KIAA1549L: variants seen among roughly 807,000 people sequenced by gnomAD.
KIAA1549L encodes KIAA1549 like, also known as UPF0606 protein KIAA1549L.
A neutral mutation model predicts 160.7 loss-of-function variants in KIAA1549L; 88 were observed. The observed-to-expected ratio is 0.55, with a 90% confidence interval of 0.46 to 0.65. KIAA1549L has a LOEUF of 0.65. Ranked by LOEUF, KIAA1549L falls within the 30% of genes least tolerant of loss-of-function variation. KIAA1549L has a pLI of 0.00. For synonymous variants in KIAA1549L, 950 were observed against 976.7 expected, an observed-to-expected ratio of 0.97 and a Z score of 0.51; for missense variants, 2,258 against 2,437.5, an observed-to-expected ratio of 0.93 and a Z score of 1.55.
chr11:33,586,891 A>G (rs775507605), intron 11 of KIAA1549L, among the ~76,000 whole-genome samples: 1 of 152,162 alleles, frequency 6.6e-6, no homozygotes. Context: ...AAAGTTATGT[A>G]CTGTGTTTAG....
chr11:33,502,247 A>G lies in KIAA1549L; in HGVS notation c.239-39555A>G, dbSNP rs112797067. ...TGGGTAGAGCTACATCGCATCACTC[A>G]TGAGAAGTCAGCTTTAATCGGGGAT... On this transcript the variant is annotated intron_variant, in intron 1 of 20. Transcript: ENST00000658780. Among the ~76,000 whole-genome samples, 45 of 152,324 alleles carry G rather than the reference A, an allele frequency of 3.0e-4. 1 individual carries two copies. The East Asian group carries it at 8.7e-3, about 29-fold the overall frequency.
intron 1 of KIAA1549L, among the ~76,000 whole-genome samples, chr11:33,511,346 A>G (rs1398159597): frequency 6.6e-6 from 1 of 152,212 alleles, no homozygotes; most frequent in African/African-American, 2.4e-5. Flanking sequence ...CTTCTCTGCA[A>G]TGGAAGTGTG....
At chr11:33,415,720 A>G (rs1535703) in intron 1 of KIAA1549L, among the ~76,000 whole-genome samples, 47,514 of 151,938 alleles carry the variant, frequency 0.31, 7,904 homozygotes, top group East Asian at 0.55. Flanking sequence ...TATATCCTTG[A>G]GCTTTTTTCC....
At position 33,542,474 on chromosome 11, in the gene KIAA1549L, A is replaced by C. The variant is rs528961135; in HGVS notation, c.911A>C (p.Gln304Pro). 2 of 1,612,878 alleles carry C rather than the reference A, an allele frequency of 1.2e-6. No individual in the cohort carries two copies. Among genetic ancestry groups the C allele is most frequent in the Admixed American group, 1.7e-5 (1 of 59,966 alleles). The change falls in exon 2 of 21, where the codon CAA (glutamine) becomes CCA (proline). Residue 304 changes from glutamine to proline, a missense_variant. Coordinates refer to ENST00000658780, the MANE Select transcript of KIAA1549L (RefSeq NM_012194.3). ...GATGAAATGGACCACACTGCATCCCAAAATGCCCAGGATCTCATAGGCATC... is the reference window on the plus strand; with the variant it reads ...GATGAAATGGACCACACTGCATCCCCAAATGCCCAGGATCTCATAGGCATC... ...FSDEMDHTAS[Q>P]NAQDLIGIPH...
intron 17 of KIAA1549L, among the ~76,000 whole-genome samples, chr11:33,654,959 GT>G (rs1852013899): frequency 1.3e-5 from 2 of 152,192 alleles, no homozygotes; most frequent in African/African-American, 2.4e-5. Context: ...CTGTGCTGCT[GT>G]TTTTTGTCCT....
chr11:33,377,098 T>G (rs962856900), intron 1 of KIAA1549L, among the ~76,000 whole-genome samples: 22 of 152,234 alleles, frequency 1.4e-4, no homozygotes, highest in African/African-American at 4.3e-4. Context: ...CTCTTCTTTT[T>G]GGACAAGTTG....
At chr11:33,562,124 G>A (rs573900113) in intron 8 of KIAA1549L, among the ~76,000 whole-genome samples, 38 of 152,312 alleles carry the variant, frequency 2.5e-4, no homozygotes, top group East Asian at 3.9e-4. Context: ...ATGCACTTGC[G>A]TCTCTCCTCT....
chr11:33,593,220 A>G (rs1850108403), intron 12 of KIAA1549L, among the ~76,000 whole-genome samples: 1 of 152,196 alleles, frequency 6.6e-6, no homozygotes, highest in African/African-American at 2.4e-5. Flanking sequence ...ACTTGAAGCC[A>G]GGAGCTTGAG....
At chr11:33,476,629 A>G (rs1227907192) in intron 1 of KIAA1549L, among the ~76,000 whole-genome samples, 3 of 152,136 alleles carry the variant, frequency 2.0e-5, no homozygotes, top group Non-Finnish European at 2.9e-5. Context: ...TTCAGCTGCT[A>G]TCCCTGGAAT....
intron 1 of KIAA1549L, among the ~76,000 whole-genome samples, chr11:33,510,272 A>G (rs1001771072): frequency 4.0e-5 from 6 of 150,018 alleles, no homozygotes; most frequent in African/African-American, 1.5e-4. Flanking sequence ...TGCAACCTCT[A>G]CCTCCCGGGT....
chr11:33,606,730 G>C lies in KIAA1549L; in HGVS notation c.4969G>C (p.Val1657Leu), dbSNP rs368198509. Reference protein sequence around the residue: ...AEPFDTSSGSVQLIAIKPTAL... With the variant: ...AEPFDTSSGSLQLIAIKPTAL... ...ACCCTTTGACACATCTTCTGGGTCT[G>C]TGCAGCTCATTGCCATAAAACCCAC... The change falls in exon 14 of 21, where the codon GTG becomes CTG. Residue 1657 changes from valine to leucine, a missense_variant. Around this residue, in one of 6 missense-constraint regions of KIAA1549L, gnomAD observed 1,359 missense variants for 1,546.6 expected, o/e 0.88. Transcript: ENST00000658780. The C allele has an allele frequency of 1.1e-5, 17 of 1,613,784 alleles. No individual in the cohort carries two copies. Among genetic ancestry groups the C allele is most frequent in the Non-Finnish European group, 1.4e-5 (16 of 1,179,864 alleles).
chr11:33,615,360 T>G (rs1307416416), intron 15 of KIAA1549L, among the ~76,000 whole-genome samples: 3 of 152,152 alleles, frequency 2.0e-5, no homozygotes, highest in Non-Finnish European at 2.9e-5. Context: ...CAAGTAAAAC[T>G]CATCATTACC....
chr11:33,419,859 T>C (rs1590231839), intron 1 of KIAA1549L, among the ~76,000 whole-genome samples: 2 of 52,826 alleles, frequency 3.8e-5, no homozygotes, highest in African/African-American at 1.0e-4. Context: ...AAAAATGTTA[T>C]ACATACATAC....
At chr11:33,410,314 C>T (rs951083004) in intron 1 of KIAA1549L, among the ~76,000 whole-genome samples, 6 of 152,082 alleles carry the variant, frequency 3.9e-5, no homozygotes, top group South Asian at 4.2e-4. Flanking sequence ...TAGTGTAGAC[C>T]GCATTTGTAA....
At chr11:33,459,818 G>A (rs1278004835) in intron 1 of KIAA1549L, among the ~76,000 whole-genome samples, 2 of 150,284 alleles carry the variant, frequency 1.3e-5, no homozygotes, top group South Asian at 2.2e-4. Context: ...AAAATTAGCC[G>A]GGCGTAGTGG....
At position 33,544,284 on chromosome 11, in the gene KIAA1549L, C is replaced by T; in HGVS notation, c.2721C>T (p.Pro907=). 1 of 1,613,982 alleles carries T rather than the reference C, an allele frequency of 6.2e-7. No homozygotes were observed. The highest frequency in any genetic ancestry group is 8.5e-7 in the Non-Finnish European group (1 of 1,179,876). Residue 907 remains proline (P), a synonymous_variant, in exon 2 of 21, where the codon CCC becomes CCT. Coordinates refer to ENST00000658780, the MANE Select transcript of KIAA1549L (RefSeq NM_012194.3). ...AESSISTSVF[P]RTSSRVLRAS... ...CTTCTATATCGACCAGTGTCTTTCCCAGGACCTCCTCCAGAGTGCTGCGGG... is the reference window on the plus strand; with the variant it reads ...CTTCTATATCGACCAGTGTCTTTCCTAGGACCTCCTCCAGAGTGCTGCGGG...
At chr11:33,453,202 C>A (rs1456169160) in intron 1 of KIAA1549L, among the ~76,000 whole-genome samples, 1 of 152,164 alleles carries the variant, frequency 6.6e-6, no homozygotes. Context: ...AATTACAGAA[C>A]TGTGAAAATT....
At chr11:33,511,040 G>T (rs1590299460) in intron 1 of KIAA1549L, among the ~76,000 whole-genome samples, 1 of 152,340 alleles carries the variant, frequency 6.6e-6, no homozygotes, top group Non-Finnish European at 1.5e-5. Flanking sequence ...TCAGAAGCTG[G>T]AAGGCTAAAC....
intron 1 of KIAA1549L, among the ~76,000 whole-genome samples, chr11:33,530,450 T>TAC (rs1174278544): frequency 7.8e-5 from 1 of 12,820 alleles, no homozygotes; most frequent in East Asian, 1.1e-3. Flanking sequence ...TATATATATA[T>TAC]ATATATATAT....
Sources: allele counts gnomAD v4.1 joint callset (sites outside exome capture counted in the v4.1 genomes callset), GRCh38; gene constraint gnomAD v4.1.1; regional missense constraint gnomAD v4.1.1; transcripts MANE v1.5; gene names NCBI Gene and HGNC (gene_info 2026-07-23, HGNC 2026-07-21).